Variants in PREX2 observed in about 807,000 individuals in gnomAD.
The protein encoded by PREX2 is phosphatidylinositol-3,4,5-trisphosphate dependent Rac exchange factor 2.
PREX2 carries 107 observed loss-of-function variants against 203.2 expected under a neutral mutation model. The ratio of observed to expected loss-of-function variants is 0.53; its 90% CI spans 0.45 to 0.62. The LOEUF is 0.62. PREX2 is among the 20% of genes least tolerant of loss of function. PREX2 has a pLI of 0.00. For synonymous variants in PREX2, 672 were observed against 663.6 expected (o/e 1.01, Z -0.19); for missense variants, 1,777 against 1,955.9 (o/e 0.91, Z 1.72).
chr8:68,200,249 A>G (rs1410203549), intron 37 of PREX2, among the ~76,000 whole-genome samples: 3 of 152,138 alleles, frequency 2.0e-5, no homozygotes, highest in African/African-American at 7.2e-5. Context: ...GGAATGGAAA[A>G]AAGAAAATAC....
intron 31 of PREX2, among the ~76,000 whole-genome samples, chr8:68,128,147 T>C (rs1167349927): frequency 6.6e-6 from 1 of 152,204 alleles, no homozygotes; most frequent in Non-Finnish European, 1.5e-5. Context: ...TTAATTACAG[T>C]GAACAGTTTG....
chr8:68,202,521 G>A lies in PREX2; in HGVS notation c.4604+9996G>A, dbSNP rs78871961. ...ACTATCATGGTCTGTAATGGGACAA[G>A]GACGGAGGCAGGGAGACAGCAGGAT... On this transcript the variant is annotated intron_variant, in intron 37 of 39. Coordinates refer to ENST00000288368, the MANE Select transcript of PREX2 (RefSeq NM_024870.4). Among the ~76,000 whole-genome samples, 1,540 of 152,260 alleles carry A rather than the reference G, an allele frequency of 0.01. 60 individuals are homozygous for A. In the East Asian group the frequency reaches 0.11, roughly 11 times the overall value.
At chr8:68,021,966 G>A (rs1323853986) in intron 3 of PREX2, 70 bp from the exon 4 acceptor site, 2 of 760,446 alleles carry the variant, frequency 2.6e-6, no homozygotes, top group East Asian at 5.0e-5. Context: ...GTTTCTTTAA[G>A]CATATCACAT....
intron 1 of PREX2, among the ~76,000 whole-genome samples, chr8:67,973,897 G>T (rs1261493164): frequency 6.6e-6 from 1 of 152,144 alleles, no homozygotes; most frequent in Non-Finnish European, 1.5e-5. Context: ...TTAACATCAA[G>T]AACAGTGCTA....
intron 8 of PREX2, among the ~76,000 whole-genome samples, chr8:68,045,947 G>C (rs1439967457): frequency 6.7e-6 from 1 of 149,888 alleles, no homozygotes; most frequent in East Asian, 1.9e-4. Flanking sequence ...GCTAAGAGCT[G>C]TCTTGCCTCT....
rs763582269 is a variant in PREX2, at chr8:67,952,463, G to C, written c.69G>C (p.Leu23=). 4 of 1,602,124 alleles carry C rather than the reference G, an allele frequency of 2.5e-6. No homozygotes were observed. The Admixed American group carries it at 5.1e-5, about 20-fold the overall frequency. Residue 23 remains leucine (L), a synonymous_variant, in exon 1 of 40, where the codon CTG becomes CTC. Coordinates refer to ENST00000288368, the MANE Select transcript of PREX2 (RefSeq NM_024870.4). ...SAKDLEKQLR[L]RVCVLSELQK... ...AGGACCTGGAGAAGCAGCTTCGCCTGCGCGTGTGCGTGCTCAGCGAGCTCC... is the reference window on the plus strand; with the variant it reads ...AGGACCTGGAGAAGCAGCTTCGCCTCCGCGTGTGCGTGCTCAGCGAGCTCC...
intron 35 of PREX2, among the ~76,000 whole-genome samples, chr8:68,181,225 A>C (rs2129614432): frequency 6.6e-6 from 1 of 152,212 alleles, no homozygotes; most frequent in Non-Finnish European, 1.5e-5. Flanking sequence ...TGTTCATCTG[A>C]GGAGTGAAGT....
intron 37 of PREX2, among the ~76,000 whole-genome samples, chr8:68,204,661 T>C (rs989836071): frequency 2.7e-5 from 4 of 150,562 alleles, no homozygotes; most frequent in African/African-American, 9.8e-5. Flanking sequence ...CTTTCTTTTC[T>C]TTTTTCTTTC....
chr8:68,060,905 C>T, intron 11 of PREX2, 126 bp downstream of exon 11: 1 of 653,856 alleles, frequency 1.5e-6, no homozygotes, highest in Admixed American at 2.9e-5. Context: ...ACAATATTTT[C>T]AGTACCTAAT....
chr8:68,170,869 ATTT>A lies in PREX2; in HGVS notation c.4346+13435_4346+13437del, dbSNP rs1811862820. The stretch of plus-strand genomic sequence containing the variant: ...TAATATATCTTTACCAAACCCATTC[ATTT>A]TAATGTATTCTGCTTATTGGCAGGA... On this transcript the variant is annotated intron_variant, in intron 35 of 39. Transcript: ENST00000288368. Among the ~76,000 whole-genome samples the A allele has an allele frequency of 2.6e-5, 4 of 152,150 alleles. No homozygotes were observed. The South Asian group carries it at 8.3e-4, about 32-fold the overall frequency.
rs902974821 is a variant in PREX2 at position 68,228,607 on chromosome 8, A to T, written c.4776-2726A>T. On this transcript the variant is annotated intron_variant, in intron 39 of 39. Coordinates refer to ENST00000288368, the MANE Select transcript of PREX2 (RefSeq NM_024870.4). Reference sequence around the variant, plus strand: ...GAAACCCCATCTCTACTAAAAATATAAAAAAAAAATTAGCTGGGCATGGTG... The same window carrying T: ...GAAACCCCATCTCTACTAAAAATATTAAAAAAAAATTAGCTGGGCATGGTG... 6.6e-4 allele frequency among the ~76,000 whole-genome samples: 98 copies of T among 148,352 alleles called. 2 individuals are homozygous for T. The highest frequency in any genetic ancestry group is 1.3e-3 in the Non-Finnish European group (87 of 66,110).
chr8:68,078,377 G>A (rs1000839468), intron 15 of PREX2, among the ~76,000 whole-genome samples: 3 of 152,144 alleles, frequency 2.0e-5, no homozygotes, highest in Admixed American at 2.0e-4. Context: ...AAGCTAGGCT[G>A]ATCTCGAACT....
chr8:68,103,735 C>T (rs753950490), intron 23 of PREX2: 18 of 519,400 alleles, frequency 3.5e-5, no homozygotes, highest in Non-Finnish European at 6.5e-5. Context: ...TGACCGTAAA[C>T]CTCTACTTGG....
intron 1 of PREX2, among the ~76,000 whole-genome samples, chr8:67,985,305 G>A (rs1005062053): frequency 2.6e-5 from 4 of 152,056 alleles, no homozygotes; most frequent in Admixed American, 6.6e-5. Context: ...TAGTAGCTTC[G>A]TGGGAAATTT....
rs566351590 is a variant in PREX2, at chr8:68,188,962, A to G, written c.4347-2760A>G. 3.9e-5 allele frequency among the ~76,000 whole-genome samples: 6 copies of G among 152,372 alleles called. No homozygotes were observed. In the South Asian group the frequency reaches 1.0e-3, roughly 26 times the overall value. On this transcript the variant is annotated intron_variant, in intron 35 of 39. Transcript: ENST00000288368. ...TATTACAGGTGCTAGAGATGCAGAAATGAATAAAAATAAATAAAATCCTTA... is the reference window on the plus strand; with the variant it reads ...TATTACAGGTGCTAGAGATGCAGAAGTGAATAAAAATAAATAAAATCCTTA...
At chr8:67,956,193 A>G (rs1805489707) in intron 1 of PREX2, among the ~76,000 whole-genome samples, 2 of 152,284 alleles carry the variant, frequency 1.3e-5, no homozygotes, top group African/African-American at 2.4e-5. Flanking sequence ...AAATGATTAC[A>G]TGAACCTGAC....
intron 15 of PREX2, among the ~76,000 whole-genome samples, chr8:68,080,185 A>G (rs1242634918): frequency 6.6e-6 from 1 of 152,182 alleles, no homozygotes; most frequent in Admixed American, 6.5e-5. Flanking sequence ...AATTTTAAAA[A>G]GTTAGCCTTA....
intron 5 of PREX2, among the ~76,000 whole-genome samples, chr8:68,029,901 G>A (rs1267170957): frequency 6.6e-6 from 1 of 152,136 alleles, no homozygotes; most frequent in Non-Finnish European, 1.5e-5. Flanking sequence ...GTATATGGCA[G>A]TTCATTTGTC....
intron 13 of PREX2, among the ~76,000 whole-genome samples, 200 bp from the exon 14 acceptor site, chr8:68,072,295 G>A (rs895416214): frequency 5.3e-5 from 8 of 152,108 alleles, no homozygotes; most frequent in African/African-American, 1.9e-4. Context: ...CTTGGTATAA[G>A]CTGGTGGAGG....
Sources: gnomAD v4.1 joint callset for allele counts (sites outside exome capture counted in the v4.1 genomes callset) on GRCh38, gnomAD v4.1.1 for gene constraint, MANE v1.5 for transcripts, NCBI Gene and HGNC (gene_info 2026-07-23, HGNC 2026-07-21) for gene names.